The following MAN1A1 variants were observed in gnomAD, a reference collection of about 807,000 sequenced individuals.
MAN1A1 encodes the protein mannosidase alpha class 1A member 1.
Under a neutral mutation model 70.8 loss-of-function variants are expected in MAN1A1, and 29 were observed. The observed-to-expected ratio is 0.41, with a 90% CI of 0.31 to 0.56. MAN1A1 has a LOEUF of 0.56. MAN1A1 is among the 20% of genes least tolerant of loss of function. MAN1A1 has a pLI of 0.29. For synonymous variants in MAN1A1, 349 were observed against 330.1 expected (o/e 1.06, Z -0.62); for missense variants, 747 against 841.3 (o/e 0.89, Z 1.39).
At chr6:119,201,408 C>T in intron 7 of MAN1A1, 61 bp from the exon 8 acceptor site, 1 of 1,091,748 alleles carries the variant, frequency 9.2e-7, no homozygotes, top group South Asian at 1.3e-5. Flanking sequence ...TGCCATTCTT[C>T]TTCTTCTTGA....
rs565850889 is a variant in MAN1A1 at position 119,193,821 on chromosome 6, T to C, written c.1282A>G (p.Lys428Glu). The C allele has an allele frequency of 3.2e-5, 51 of 1,613,816 alleles. 2 individuals carry two copies. In the South Asian group the frequency reaches 4.9e-4, roughly 16 times the overall value. Residue 428 changes from lysine to glutamate, a missense_variant, in exon 9 of 13, where the codon AAG becomes GAG. Lys to Glu is a moderately conservative substitution (Grantham distance 56, BLOSUM62 1). Coordinates refer to ENST00000368468, the MANE Select transcript of MAN1A1 (RefSeq NM_005907.4). The stretch of plus-strand genomic sequence containing the variant: ...ATCTTCTTAGCTTCCAGATCTGTCT[T>C]GTCAGACATTAACCAGGCCTTCAGC... ...YLLKAWLMSD[K>E]TDLEAKKMYF...
intron 2 of MAN1A1, among the ~76,000 whole-genome samples, chr6:119,327,605 C>CA (rs1562244051): frequency 6.6e-6 from 1 of 151,860 alleles, no homozygotes; most frequent in Non-Finnish European, 1.5e-5. Context: ...GGCCAGGCTA[C>CA]ATTCCATATT....
chr6:119,348,621 C>T lies in MAN1A1; in HGVS notation c.445G>A (p.Asp149Asn), dbSNP rs1773807888. 1 of 1,613,992 alleles carries T rather than the reference C, an allele frequency of 6.2e-7. No homozygotes were observed. The highest frequency in any genetic ancestry group is 2.2e-5 in the East Asian group (1 of 44,830). ...ACCTTCTTCTTCTCCAGTAGGATGT[C>T]TCTTTGGATCTCCTCGGGCAGCTTC... is the stretch of plus-strand genomic sequence containing the variant. ...LQKLPEEIQR[D>N]ILLEKKKVAQ... The change falls in exon 2 of 13, where the codon GAC (aspartate) becomes AAC (asparagine). Residue 149 changes from aspartate to asparagine, a missense_variant. By Grantham distance (23) the Asp-to-Asn change is conservative. Transcript: ENST00000368468.
chr6:119,254,092 A>G (rs1244456012), intron 5 of MAN1A1, among the ~76,000 whole-genome samples: 1 of 152,236 alleles, frequency 6.6e-6, no homozygotes, highest in Non-Finnish European at 1.5e-5. Context: ...TAATAAAACT[A>G]GCTTGTAAAA....
chr6:119,241,111 T>C (rs1482402571), intron 6 of MAN1A1, among the ~76,000 whole-genome samples: 3 of 152,046 alleles, frequency 2.0e-5, no homozygotes, highest in Non-Finnish European at 4.4e-5. Flanking sequence ...TTCCCCTCTA[T>C]GCTAAAAATG....
chr6:119,222,326 AT>A (rs35446116), intron 6 of MAN1A1, among the ~76,000 whole-genome samples: 1,585 of 115,248 alleles, frequency 0.014, 14 homozygotes, highest in African/African-American at 0.043. Flanking sequence ...TTTTTTAAGG[AT>A]TTTTTTTTTT....
intron 6 of MAN1A1, among the ~76,000 whole-genome samples, chr6:119,237,855 T>A (rs557368945): frequency 1.3e-5 from 2 of 152,272 alleles, no homozygotes; most frequent in East Asian, 1.9e-4. Context: ...ACATTTTTTT[T>A]AAATAAAAAA....
chr6:119,228,891 T>G (rs1368168026), intron 6 of MAN1A1, among the ~76,000 whole-genome samples: 1 of 152,180 alleles, frequency 6.6e-6, no homozygotes, highest in Admixed American at 6.5e-5. Context: ...TCCCTTGTTC[T>G]CACTACTTGG....
intron 5 of MAN1A1, among the ~76,000 whole-genome samples, chr6:119,289,588 G>T (rs1190348669): frequency 2.0e-5 from 3 of 151,758 alleles, no homozygotes; most frequent in Non-Finnish European, 4.4e-5. Context: ...TGGCTGAGAA[G>T]GTAACAGAGT....
At chr6:119,200,276 C>T (rs937847109) in intron 8 of MAN1A1, among the ~76,000 whole-genome samples, 7 of 152,114 alleles carry the variant, frequency 4.6e-5, no homozygotes, top group Admixed American at 4.6e-4. Context: ...ACCTTGTGGG[C>T]CTCCTCAGAG....
chr6:119,254,810 G>C (rs2114338397), intron 5 of MAN1A1, among the ~76,000 whole-genome samples: 1 of 152,276 alleles, frequency 6.6e-6, no homozygotes, highest in Middle Eastern at 3.4e-3. Context: ...CTTGCTGAAA[G>C]AAGGGTGGTA....
At chr6:119,209,443 A>C (rs1397926024) in intron 6 of MAN1A1, among the ~76,000 whole-genome samples, 1 of 152,198 alleles carries the variant, frequency 6.6e-6, no homozygotes, top group Non-Finnish European at 1.5e-5. Flanking sequence ...GGGGTTATAC[A>C]GTTATCAATT....
chr6:119,233,792 G>A (rs1002458069), intron 6 of MAN1A1, among the ~76,000 whole-genome samples: 1 of 152,170 alleles, frequency 6.6e-6, no homozygotes, highest in South Asian at 2.1e-4. Context: ...AGTTGGCAAT[G>A]GGACCCTCAC....
intron 5 of MAN1A1, among the ~76,000 whole-genome samples, chr6:119,278,666 C>CCA (rs372718372): frequency 2.6e-5 from 4 of 152,106 alleles, no homozygotes; most frequent in Non-Finnish European, 5.9e-5. Context: ...GTGCCCCCCC[C>CCA]AGTGTTGGAA....
At chr6:119,338,373 C>T (rs905473051) in intron 2 of MAN1A1, among the ~76,000 whole-genome samples, 1 of 151,470 alleles carries the variant, frequency 6.6e-6, no homozygotes, top group African/African-American at 2.4e-5. Context: ...AAATATCATG[C>T]TTTTCTTTAA....
intron 6 of MAN1A1, among the ~76,000 whole-genome samples, chr6:119,226,474 A>G (rs1329660180): frequency 6.6e-6 from 1 of 152,190 alleles, no homozygotes; most frequent in South Asian, 2.1e-4. Context: ...AACAAACTAA[A>G]AACAAATGAA....
intron 5 of MAN1A1, among the ~76,000 whole-genome samples, chr6:119,266,312 A>C (rs567852518): frequency 2.6e-5 from 4 of 152,164 alleles, no homozygotes; most frequent in African/African-American, 9.7e-5. Context: ...GATTGACACT[A>C]CCCAACTTCA....
chr6:119,188,458 A>G lies in MAN1A1; in HGVS notation c.1666T>C (p.Trp556Arg). The change falls in exon 11 of 13, where the codon TGG (tryptophan) becomes CGG (arginine). Residue 556 changes from tryptophan to arginine, a missense_variant. Physicochemically the swap from Trp to Arg is moderately radical, Grantham distance 101 (BLOSUM62 -3). Transcript: ENST00000368468. ...PEVMETYMYMWRLTHDPKYRK... is the reference protein window; with the variant it reads ...PEVMETYMYMRRLTHDPKYRK... ...TACTTTGGATCATGAGTCAGTCTCC[A>G]CATATACATGTAAGTCTCCATAACT... The G allele has an allele frequency of 6.2e-7, 1 of 1,613,994 alleles. No homozygotes were observed. The highest frequency in any genetic ancestry group is 1.3e-5 in the African/African-American group (1 of 75,046).
intron 2 of MAN1A1, among the ~76,000 whole-genome samples, chr6:119,339,536 A>G (rs765590031): frequency 1.2e-4 from 19 of 152,256 alleles, no homozygotes; most frequent in Admixed American, 2.0e-4. Context: ...ACGAACTTAC[A>G]TATTGGGGTT....
Sources: allele counts gnomAD v4.1 joint callset (sites outside exome capture counted in the v4.1 genomes callset), GRCh38; gene constraint gnomAD v4.1.1; transcripts MANE v1.5; gene names NCBI Gene and HGNC (gene_info 2026-07-23, HGNC 2026-07-21).